RBFOX1: variants seen among roughly 807,000 people sequenced by gnomAD.
RBFOX1 encodes the protein RNA binding fox-1 homolog 1, also known as RNA binding protein fox-1 homolog 1.
A neutral mutation model predicts 57.7 loss-of-function variants in RBFOX1; 8 were observed. The ratio of observed to expected loss-of-function variants is 0.14; its 90% CI spans 0.08 to 0.25. The LOEUF (loss-of-function observed/expected upper bound fraction) is 0.25. Ranked by LOEUF, RBFOX1 falls within the 10% of genes least tolerant of loss-of-function variation. The pLI, the probability that RBFOX1 is intolerant of heterozygous loss-of-function variation, is 1.00. For missense variants in RBFOX1, 611 were observed against 548.5 expected (o/e 1.11, Z -1.14); for synonymous variants, 326 against 222.4 (o/e 1.47, Z -4.15).
Position 6,167,640 on chromosome 16 carries a change from T to C in RBFOX1, c.-127+147648T>C, listed in dbSNP as rs567200458. On this transcript the variant is annotated intron_variant, in intron 1 of 15. Coordinates refer to ENST00000550418, the MANE Select transcript of RBFOX1 (RefSeq NM_018723.4). The stretch of plus-strand genomic sequence containing the variant: ...AAAGAAAGAGCTTGCTCAAATATTA[T>C]AACTTGCCCTTTAGTCACTTTTAAA... 7.9e-5 allele frequency among the ~76,000 whole-genome samples: 12 copies of C among 152,344 alleles called. 1 individual carries two copies. The South Asian group carries it at 2.5e-3, about 32-fold the overall frequency.
intron 3 of RBFOX1, among the ~76,000 whole-genome samples, chr16:6,980,107 C>T (rs62016416): frequency 1.3e-5 from 2 of 152,156 alleles, no homozygotes; most frequent in South Asian, 2.1e-4. Flanking sequence ...AGAACAGTCA[C>T]AGCACAGGCT....
intron 3 of RBFOX1, among the ~76,000 whole-genome samples, chr16:5,831,721 C>T (rs2056282689): frequency 6.6e-6 from 1 of 151,846 alleles, no homozygotes; most frequent in South Asian, 2.1e-4. Context: ...AGGTGTGAGC[C>T]ACTGCACCTA....
intron 3 of RBFOX1, among the ~76,000 whole-genome samples, chr16:5,687,599 A>T (rs2050544417): frequency 6.6e-6 from 1 of 152,216 alleles, no homozygotes; most frequent in Admixed American, 6.5e-5. Flanking sequence ...CCTCTCTGAA[A>T]GCCATTTTAG....
chr16:6,628,116 G>A (rs1384709609), intron 2 of RBFOX1, among the ~76,000 whole-genome samples: 6 of 152,140 alleles, frequency 3.9e-5, no homozygotes, highest in Non-Finnish European at 8.8e-5. Context: ...TTTCCACTTC[G>A]CAGTCCCCAA....
chr16:6,509,981 C>G (rs1464364412), intron 2 of RBFOX1, among the ~76,000 whole-genome samples: 1 of 152,110 alleles, frequency 6.6e-6, no homozygotes, highest in East Asian at 1.9e-4. Context: ...GTTGGCCAAC[C>G]TTAGACAATT....
intron 4 of RBFOX1, among the ~76,000 whole-genome samples, chr16:7,205,372 G>T (rs912108080): frequency 6.6e-6 from 1 of 151,936 alleles, no homozygotes; most frequent in African/African-American, 2.4e-5. Flanking sequence ...ACAAAAATTA[G>T]CTGGGTGTGG....
chr16:5,687,964 T>C (rs929340293), intron 3 of RBFOX1, among the ~76,000 whole-genome samples: 2 of 152,214 alleles, frequency 1.3e-5, no homozygotes, highest in Admixed American at 6.5e-5. Context: ...TAACTCACAG[T>C]TGTGTAATTT....
At chr16:7,055,255 T>C (rs1372187624) in intron 4 of RBFOX1, among the ~76,000 whole-genome samples, 2 of 152,214 alleles carry the variant, frequency 1.3e-5, no homozygotes, top group African/African-American at 2.4e-5. Flanking sequence ...CGCAACACTT[T>C]TGTTTATAGA....
intron 3 of RBFOX1, among the ~76,000 whole-genome samples, chr16:5,794,413 A>G (rs919849084): frequency 6.6e-6 from 1 of 152,026 alleles, no homozygotes; most frequent in Non-Finnish European, 1.5e-5. Flanking sequence ...TCAATTATGT[A>G]CCTGAAAGCA....
At chr16:6,934,367 AT>A (rs570301951) in intron 3 of RBFOX1, among the ~76,000 whole-genome samples, 1 of 152,070 alleles carries the variant, frequency 6.6e-6, no homozygotes, top group African/African-American at 2.4e-5. Flanking sequence ...ATATGTGAGT[AT>A]TTTTTTACAT....
At chr16:7,306,735 G>T (rs540161862) in intron 4 of RBFOX1, among the ~76,000 whole-genome samples, 6 of 152,260 alleles carry the variant, frequency 3.9e-5, no homozygotes, top group African/African-American at 1.2e-4. Context: ...GATATACCTG[G>T]AGTCATCTGT....
At chr16:5,858,209 C>T (rs1173968576) in intron 3 of RBFOX1, among the ~76,000 whole-genome samples, 3 of 152,084 alleles carry the variant, frequency 2.0e-5, no homozygotes, top group Non-Finnish European at 4.4e-5. Context: ...GATGGTGACA[C>T]CTTACCCCAA....
At chr16:6,274,934 C>G (rs1311209745) in intron 1 of RBFOX1, among the ~76,000 whole-genome samples, 1 of 152,142 alleles carries the variant, frequency 6.6e-6, no homozygotes, top group African/African-American at 2.4e-5. Flanking sequence ...AGTGGAAAAG[C>G]ATTCTGGACA....
chr16:6,994,884 A>G (rs545835511), intron 3 of RBFOX1, among the ~76,000 whole-genome samples: 47 of 152,242 alleles, frequency 3.1e-4, no homozygotes, highest in African/African-American at 1.0e-3. Context: ...AAAATTCCAA[A>G]TTAACTTGGA....
chr16:5,786,890 C>T (rs1018408526), intron 3 of RBFOX1, among the ~76,000 whole-genome samples: 2 of 152,178 alleles, frequency 1.3e-5, no homozygotes, highest in African/African-American at 2.4e-5. Flanking sequence ...AATCCCAGCA[C>T]TTTGGGAGGT....
At chr16:5,365,331 AC>A (rs2065680750) in intron 1 of RBFOX1, among the ~76,000 whole-genome samples, 1 of 152,124 alleles carries the variant, frequency 6.6e-6, no homozygotes, top group South Asian at 2.1e-4. Context: ...CCTCCCTGTC[AC>A]ACATCACCCA....
At chr16:7,167,400 G>C (rs1165707516) in intron 4 of RBFOX1, among the ~76,000 whole-genome samples, 1 of 152,006 alleles carries the variant, frequency 6.6e-6, no homozygotes, top group South Asian at 2.1e-4. Flanking sequence ...AATGGAGGGA[G>C]ATTTGAAAAC....
intron 3 of RBFOX1, among the ~76,000 whole-genome samples, chr16:6,895,896 T>G (rs779674584): frequency 4.3e-4 from 66 of 152,140 alleles, no homozygotes; most frequent in Non-Finnish European, 7.8e-4. Flanking sequence ...ATGTCATCTT[T>G]TTGTAAAATG....
intron 2 of RBFOX1, among the ~76,000 whole-genome samples, chr16:6,369,648 A>G (rs928423261): frequency 1.3e-5 from 2 of 152,152 alleles, no homozygotes; most frequent in African/African-American, 2.4e-5. Context: ...ATAAGTTTTA[A>G]TTACCCTCCA....
Sources: gnomAD v4.1 joint callset for allele counts (sites outside exome capture counted in the v4.1 genomes callset) on GRCh38, gnomAD v4.1.1 for gene constraint, MANE v1.5 for transcripts, NCBI Gene and HGNC (gene_info 2026-07-23, HGNC 2026-07-21) for gene names.